CDYL: variants seen among roughly 807,000 people sequenced by gnomAD.
The protein encoded by CDYL is chromodomain Y-like protein.
Under a neutral mutation model 47.3 loss-of-function variants are expected in CDYL, and 8 were observed. That is an observed-to-expected ratio of 0.17 (90% CI 0.10 to 0.31). The LOEUF is 0.31. CDYL is among the 10% of genes least tolerant of loss of function. The probability of loss-of-function intolerance (pLI) is 1.00; values close to 1 mark genes in which losing one functional copy is unlikely to be tolerated. For missense variants in CDYL, 471 were observed against 701.4 expected, an observed-to-expected ratio of 0.67 and a Z score of 3.71; for synonymous variants, 266 against 265.0, an observed-to-expected ratio of 1.00 and a Z score of -0.04.
intron 2 of CDYL, among the ~76,000 whole-genome samples, chr6:4,933,345 G>A (rs538259372): frequency 1.5e-4 from 23 of 152,204 alleles, no homozygotes; most frequent in Middle Eastern, 3.4e-3. Context: ...TCTCTCCCTC[G>A]CCTCCTCCCT....
At chr6:4,907,030 A>G (rs1472102662) in intron 2 of CDYL, among the ~76,000 whole-genome samples, 5 of 152,218 alleles carry the variant, frequency 3.3e-5, no homozygotes, top group Non-Finnish European at 7.3e-5. Context: ...GCAGTTCCAC[A>G]CTGGGTTTTC....
intron 3 of CDYL, among the ~76,000 whole-genome samples, chr6:4,749,143 A>G (rs1207809369): frequency 2.6e-5 from 4 of 152,240 alleles, no homozygotes; most frequent in African/African-American, 7.2e-5. Flanking sequence ...GGGGGGAAAA[A>G]GTCTGTTTTT....
At chr6:4,760,217 G>C (rs920083305) in intron 3 of CDYL, among the ~76,000 whole-genome samples, 1 of 152,002 alleles carries the variant, frequency 6.6e-6, no homozygotes, top group Non-Finnish European at 1.5e-5. Context: ...AGTCCAAAGT[G>C]GATGGCATTT....
intron 1 of CDYL, among the ~76,000 whole-genome samples, chr6:4,812,465 A>G (rs1226551389): frequency 5.9e-5 from 9 of 152,200 alleles, no homozygotes; most frequent in Admixed American, 5.9e-4. Flanking sequence ...TAACTTAAAC[A>G]TCCTGCTAAA....
In CDYL at chr6:4,715,743, GGTC is replaced by G. The variant is rs754913385; in HGVS notation, c.-35_-33del. 6 of 1,611,970 alleles carry G rather than the reference GGTC, an allele frequency of 3.7e-6. No individual in the cohort carries two copies. In the South Asian group the frequency reaches 6.6e-5, roughly 18 times the overall value. On this transcript the variant is annotated 5_prime_UTR_variant, in exon 2 of 9. Transcript: ENST00000328908. ...TCTTGTTGGGATTGTAATTGCAGGT[GGTC>G]ATCAGAGAACACAGAGCCCCCGGAA...
At chr6:4,868,162 C>T (rs561683180) in intron 1 of CDYL, among the ~76,000 whole-genome samples, 139 of 151,574 alleles carry the variant, frequency 9.2e-4, no homozygotes, top group Non-Finnish European at 1.5e-3. Flanking sequence ...GGGCTGAATT[C>T]GCCCTTCTGT....
At chr6:4,910,111 C>G (rs1757366360) in intron 2 of CDYL, among the ~76,000 whole-genome samples, 1 of 152,052 alleles carries the variant, frequency 6.6e-6, no homozygotes. Context: ...AGAAGACTCC[C>G]CGATTTTCCC....
At chr6:4,755,870 A>G (rs1387651624) in intron 3 of CDYL, among the ~76,000 whole-genome samples, 1 of 152,194 alleles carries the variant, frequency 6.6e-6, no homozygotes, top group East Asian at 1.9e-4. Context: ...CAAAAATTAT[A>G]TCTAAAATTA....
chr6:4,944,355 A>G (rs929278421), intron 5 of CDYL, among the ~76,000 whole-genome samples: 1 of 152,160 alleles, frequency 6.6e-6, no homozygotes, highest in Non-Finnish European at 1.5e-5. Flanking sequence ...TGTGGAAGGG[A>G]TGGGAAGGAA....
Position 4,776,738 on chromosome 6 carries a change from GCCCGCCCCGACCCTGCCCCT to G in CDYL, c.-38_-19del. 2 of 1,250,206 alleles carry G rather than the reference GCCCGCCCCGACCCTGCCCCT, an allele frequency of 1.6e-6. No individual in the cohort carries two copies. Among genetic ancestry groups the G allele is most frequent in the Non-Finnish European group, 2.1e-6 (2 of 969,200 alleles). 77.4% of individuals were successfully genotyped at this position (1,250,206 alleles called of 1,614,324 possible). On this transcript the variant is annotated 5_prime_UTR_variant, in exon 1 of 7. Coordinates refer to ENST00000397588, the MANE Select transcript of CDYL (RefSeq NM_004824.4). ...AAAGTGTCGGCCGCCCGGCGCCGGC[GCCCGCCCCGACCCTGCCCCT>G]CCCGCCCGCAACTCCGCCGCCCACC...
chr6:4,805,206 T>A (rs1759336097), intron 1 of CDYL, among the ~76,000 whole-genome samples: 1 of 152,348 alleles, frequency 6.6e-6, no homozygotes, highest in South Asian at 2.1e-4. Flanking sequence ...TTTGCTTTAC[T>A]TTTAGAAACT....
At chr6:4,883,969 C>T (rs543243890) in intron 1 of CDYL, among the ~76,000 whole-genome samples, 1 of 152,260 alleles carries the variant, frequency 6.6e-6, no homozygotes, top group African/African-American at 2.4e-5. Flanking sequence ...CTGGGGCAGC[C>T]CCCCAGAGGG....
At chr6:4,789,843 AGT>A (rs1164140478) in intron 1 of CDYL, among the ~76,000 whole-genome samples, 1 of 152,194 alleles carries the variant, frequency 6.6e-6, no homozygotes, top group African/African-American at 2.4e-5. Flanking sequence ...CATTCAGAGA[AGT>A]GTAGTTTCCT....
At position 4,811,113 on chromosome 6, in the gene CDYL, T is replaced by C. The variant is rs1225017580; in HGVS notation, c.24+34306T>C. 2.0e-5 allele frequency among the ~76,000 whole-genome samples: 3 copies of C among 152,256 alleles called. No individual in the cohort carries two copies. In the East Asian group the frequency reaches 5.8e-4, roughly 29 times the overall value. On this transcript the variant is annotated intron_variant, in intron 1 of 6. Transcript: ENST00000397588. ...CAGGTCTGACAGAAGTTTTTGATAG[T>C]TGGCGTTATAGAGGGGACATTTTTG...
chr6:4,924,262 G>A (rs984049858), intron 2 of CDYL, among the ~76,000 whole-genome samples: 2 of 152,098 alleles, frequency 1.3e-5, no homozygotes, highest in African/African-American at 4.8e-5. Flanking sequence ...TGAAAAGTTA[G>A]CTATGAAACA....
intron 5 of CDYL, among the ~76,000 whole-genome samples, chr6:4,948,046 T>C (rs1344445342): frequency 6.6e-6 from 1 of 152,184 alleles, no homozygotes; most frequent in Non-Finnish European, 1.5e-5. Context: ...GTAGAGTCAT[T>C]ATCAGTAAAA....
chr6:4,734,648 A>AGTGATGG (rs67832749), intron 2 of CDYL: 2 of 1,387,976 alleles, frequency 1.4e-6, no homozygotes, highest in African/African-American at 1.5e-5. Flanking sequence ...CTCCTAATTC[A>AGTGATGG]GGAAGGGGAG....
intron 5 of CDYL, among the ~76,000 whole-genome samples, chr6:4,947,166 G>T (rs112704614): frequency 6.6e-6 from 1 of 152,312 alleles, no homozygotes; most frequent in East Asian, 1.9e-4. Context: ...CAGGCCTGAC[G>T]CCAGGAGAGG....
At chr6:4,850,093 A>T (rs1442879322) in intron 1 of CDYL, among the ~76,000 whole-genome samples, 1 of 152,082 alleles carries the variant, frequency 6.6e-6, no homozygotes, top group African/African-American at 2.4e-5. Flanking sequence ...GGTAAGAGGA[A>T]TATTATTAGT....
Sources: allele counts gnomAD v4.1 joint callset (sites outside exome capture counted in the v4.1 genomes callset), GRCh38; gene constraint gnomAD v4.1.1; transcripts MANE v1.5; gene names NCBI Gene and HGNC (gene_info 2026-07-23, HGNC 2026-07-21).